The following ADGRV1 variants were observed in gnomAD, a reference collection of about 807,000 sequenced individuals.
ADGRV1 encodes G-protein coupled receptor 98.
In ADGRV1, 359 loss-of-function variants were observed where a neutral mutation model predicts 596.2. That is an observed-to-expected ratio of 0.60 (90% CI 0.55 to 0.66). ADGRV1 has a LOEUF of 0.66. Ranked by LOEUF, ADGRV1 falls within the 30% of genes least tolerant of loss-of-function variation. The probability of loss-of-function intolerance (pLI) is 0.00; values close to 1 mark genes in which losing one functional copy is unlikely to be tolerated. For missense variants in ADGRV1, 7,274 were observed against 7,575.6 expected, an observed-to-expected ratio of 0.96 and a Z score of 1.48; for synonymous variants, 2,681 against 2,679.2, an observed-to-expected ratio of 1.00 and a Z score of -0.02.
At chr5:90,676,601 G>A (rs909301459) in intron 25 of ADGRV1, among the ~76,000 whole-genome samples, 3 of 152,082 alleles carry the variant, frequency 2.0e-5, no homozygotes, top group Admixed American at 6.5e-5. Context: ...CAGCATGTTC[G>A]TGCTATTTTT....
chr5:90,681,615 G>T (rs1238685483), intron 27 of ADGRV1, among the ~76,000 whole-genome samples, 161 bp downstream of exon 27: 2 of 152,038 alleles, frequency 1.3e-5, no homozygotes, highest in Non-Finnish European at 2.9e-5. Context: ...CAGTCGTTTG[G>T]CATTTATTTT....
At chr5:90,764,693 C>G (rs1330753682) in intron 59 of ADGRV1, among the ~76,000 whole-genome samples, 1 of 152,166 alleles carries the variant, frequency 6.6e-6, no homozygotes, top group African/African-American at 2.4e-5. Flanking sequence ...CTGGGACCCA[C>G]CTGTCCCCCA....
intron 83 of ADGRV1, among the ~76,000 whole-genome samples, chr5:90,895,159 G>A (rs1180946113): frequency 6.6e-6 from 1 of 151,818 alleles, no homozygotes; most frequent in Non-Finnish European, 1.5e-5. Context: ...TGGTCTTCTG[G>A]GCTCAAGTGA....
At chr5:90,651,574 G>A (rs777910556) in intron 17 of ADGRV1, 30 bp from the exon 18 acceptor site, 1 of 1,396,322 alleles carries the variant, frequency 7.2e-7, no homozygotes, top group South Asian at 1.6e-5. Context: ...CTACTTCTTT[G>A]TTATTTTGTC....
chr5:90,595,634 C>T (rs1408968845), intron 1 of ADGRV1, among the ~76,000 whole-genome samples: 2 of 131,764 alleles, frequency 1.5e-5, no homozygotes, highest in East Asian at 2.4e-4. Context: ...ACCTCCCTCC[C>T]GGACGGGGCG....
chr5:90,721,683 A>T (rs1751052169), intron 45 of ADGRV1, among the ~76,000 whole-genome samples: 1 of 152,168 alleles, frequency 6.6e-6, no homozygotes, highest in Non-Finnish European at 1.5e-5. Flanking sequence ...AAGTAAGTAA[A>T]AATCAATGTA....
chr5:91,060,394 ATATATT>A (rs1373008303), intron 85 of ADGRV1, among the ~76,000 whole-genome samples: 32 of 17,932 alleles, frequency 1.8e-3, no homozygotes, highest in African/African-American at 5.1e-3. Context: ...ATATATATAT[ATATATT>A]TTTTTTTTTA....
chr5:90,665,364 T>G (rs1771149269), intron 21 of ADGRV1, among the ~76,000 whole-genome samples: 1 of 151,536 alleles, frequency 6.6e-6, no homozygotes, highest in Non-Finnish European at 1.5e-5. Context: ...GTTGAGGAAT[T>G]TATCCATTTC....
In ADGRV1 at chr5:90,627,208, C is replaced by T; in HGVS notation, c.673-3C>T. Reference sequence around the variant, plus strand: ...TTTGCCTCTGTTTATATTCCTTTAACAGGTACCAGAAAATGATGAAATATT... The same window carrying T: ...TTTGCCTCTGTTTATATTCCTTTAATAGGTACCAGAAAATGATGAAATATT... On this transcript the variant is annotated splice_region_variant and splice_polypyrimidine_tract_variant and intron_variant, in intron 6 of 89. Coordinates refer to ENST00000405460, the MANE Select transcript of ADGRV1 (RefSeq NM_032119.4). The T allele has an allele frequency of 6.7e-7, 1 of 1,497,598 alleles. No homozygotes were observed. The highest frequency in any genetic ancestry group is 1.4e-5 in the South Asian group (1 of 71,290). The allele number at this position is 1,497,598 out of a possible 1,614,324, so 92.8% of individuals were successfully genotyped here. A position where few individuals can be genotyped will look rare whatever the true frequency, so the allele number is the denominator to read the frequency against.
chr5:90,787,748 G>A (rs1205048340), intron 67 of ADGRV1, among the ~76,000 whole-genome samples: 1 of 151,416 alleles, frequency 6.6e-6, no homozygotes, highest in Non-Finnish European at 1.5e-5. Flanking sequence ...CTGCCACCAC[G>A]CCCGGCTAAT....
chr5:91,057,154 A>G (rs1420090726), intron 85 of ADGRV1, among the ~76,000 whole-genome samples: 1 of 152,208 alleles, frequency 6.6e-6, no homozygotes, highest in Non-Finnish European at 1.5e-5. Flanking sequence ...CCTGACCTTT[A>G]CGAAAATTGT....
At chr5:91,096,769 C>T (rs1398734777) in intron 86 of ADGRV1, among the ~76,000 whole-genome samples, 1 of 152,140 alleles carries the variant, frequency 6.6e-6, no homozygotes, top group Non-Finnish European at 1.5e-5. Flanking sequence ...TTCAGTGTCA[C>T]ATAAGTACAC....
chr5:90,832,142 A>G (rs10045071), intron 77 of ADGRV1, among the ~76,000 whole-genome samples: 14,372 of 152,126 alleles, frequency 0.094, 710 homozygotes, highest in East Asian at 0.17. Context: ...ACTGGATTAT[A>G]TGGTAGCTTT....
At chr5:90,942,548 C>A (rs1026847842) in intron 83 of ADGRV1, among the ~76,000 whole-genome samples, 6 of 152,066 alleles carry the variant, frequency 3.9e-5, no homozygotes, top group Non-Finnish European at 7.4e-5. Flanking sequence ...TAAAGTTAAT[C>A]TTTTTCTAGA....
chr5:90,982,676 A>G (rs1780173619), intron 84 of ADGRV1, among the ~76,000 whole-genome samples: 2 of 152,152 alleles, frequency 1.3e-5, no homozygotes, highest in African/African-American at 4.8e-5. Flanking sequence ...TTCTATGTCC[A>G]CTTACTTCAG....
At chr5:90,766,306 CA>C (rs143600567) in intron 59 of ADGRV1, among the ~76,000 whole-genome samples, 3,889 of 152,130 alleles carry the variant, frequency 0.026, 154 homozygotes, top group African/African-American at 0.088. Flanking sequence ...CAAAGCCAAT[CA>C]ACCACGCTGG....
intron 83 of ADGRV1, among the ~76,000 whole-genome samples, chr5:90,947,326 A>G (rs1776662981): frequency 1.5e-5 from 1 of 65,548 alleles, no homozygotes; most frequent in Non-Finnish European, 2.9e-5. Context: ...CTCACTTTTT[A>G]ATGGGGTTTT....
At chr5:90,920,251 C>A (rs77190517) in intron 83 of ADGRV1, among the ~76,000 whole-genome samples, 4 of 152,044 alleles carry the variant, frequency 2.6e-5, no homozygotes, top group Admixed American at 6.5e-5. Context: ...GGCCAGCGAG[C>A]TCTCTTGGGC....
chr5:90,918,107 T>A (rs1017036087), intron 83 of ADGRV1, among the ~76,000 whole-genome samples: 1 of 152,076 alleles, frequency 6.6e-6, no homozygotes, highest in Non-Finnish European at 1.5e-5. Flanking sequence ...ACGATCTGAA[T>A]AGACTTGCTA....
Sources: allele counts gnomAD v4.1 joint callset (sites outside exome capture counted in the v4.1 genomes callset), GRCh38; gene constraint gnomAD v4.1.1; transcripts MANE v1.5; gene names NCBI Gene and HGNC (gene_info 2026-07-23, HGNC 2026-07-21).